PTPRN2: variants seen among roughly 807,000 people sequenced by gnomAD.
PTPRN2 encodes the protein receptor-type tyrosine-protein phosphatase N2.
Under a neutral mutation model 118.8 loss-of-function variants are expected in PTPRN2, and 74 were observed. That is an observed-to-expected ratio of 0.62 (90% CI 0.52 to 0.76). PTPRN2 has a LOEUF of 0.76. Ranked by LOEUF, PTPRN2 falls within the 30% of genes least tolerant of loss-of-function variation. The pLI is 0.00. For missense variants in PTPRN2, 1,481 were observed against 1,394.4 expected, an observed-to-expected ratio of 1.06 and a Z score of -0.99; for synonymous variants, 641 against 608.0, an observed-to-expected ratio of 1.05 and a Z score of -0.80.
chr7:157,792,680 C>A (rs1804591052), intron 12 of PTPRN2, among the ~76,000 whole-genome samples: 1 of 152,184 alleles, frequency 6.6e-6, no homozygotes, highest in Admixed American at 6.5e-5. Flanking sequence ...GGCCACACTG[C>A]ACGACAGACG....
chr7:158,496,022 A>T (rs1821814701), intron 1 of PTPRN2, among the ~76,000 whole-genome samples: 1 of 151,846 alleles, frequency 6.6e-6, no homozygotes, highest in Admixed American at 6.5e-5. Flanking sequence ...GCTTGCGGAC[A>T]GGGCTTGGGG....
intron 6 of PTPRN2, among the ~76,000 whole-genome samples, chr7:158,152,188 A>AG (rs1563523717): frequency 2.6e-5 from 4 of 151,322 alleles, no homozygotes; most frequent in Non-Finnish European, 5.9e-5. Context: ...AAAAAAAAAA[A>AG]AAACCATGAA....
intron 11 of PTPRN2, among the ~76,000 whole-genome samples, chr7:157,950,175 T>G (rs957667991): frequency 2.0e-5 from 3 of 152,264 alleles, no homozygotes; most frequent in Non-Finnish European, 2.9e-5. Flanking sequence ...GTGTGTTCAG[T>G]ATCTGTGTGC....
intron 11 of PTPRN2, among the ~76,000 whole-genome samples, chr7:157,950,682 A>G (rs1800753840): frequency 1.3e-5 from 2 of 152,212 alleles, no homozygotes; most frequent in Admixed American, 1.3e-4. Flanking sequence ...CGCCTCACCC[A>G]TGGAGCAGGC....
Position 157,551,000 on chromosome 7 carries a change from C to T in PTPRN2, c.2903-1981G>A, listed in dbSNP as rs141580239. On this transcript the variant is annotated intron_variant, in intron 21 of 22. Coordinates refer to ENST00000389418, the MANE Select transcript of PTPRN2 (RefSeq NM_002847.5). The surrounding 1 kb of genome is among the most constrained non-coding windows in gnomAD (Gnocchi z 5.2). ...GGAGGAAGCCAAAGGACCCCTCCTG[C>T]GGCCATGACTGTGGCGGCCAAGGAA... 2.8e-3 allele frequency among the ~76,000 whole-genome samples: 420 copies of T among 152,298 alleles called. 1 individual carries two copies. The highest frequency in any genetic ancestry group is 9.5e-3 in the African/African-American group (395 of 41,560).
chr7:157,923,447 C>G (rs1001369328), intron 11 of PTPRN2, among the ~76,000 whole-genome samples: 1 of 152,196 alleles, frequency 6.6e-6, no homozygotes, highest in Non-Finnish European at 1.5e-5. Context: ...TCTTTCCCCT[C>G]GCGAGGCAGA....
intron 1 of PTPRN2, among the ~76,000 whole-genome samples, chr7:158,540,690 C>T (rs1825935372): frequency 6.6e-6 from 1 of 152,224 alleles, no homozygotes; most frequent in Non-Finnish European, 1.5e-5. Flanking sequence ...CCAGGGCCCA[C>T]CGTGTGTGTC....
intron 4 of PTPRN2, among the ~76,000 whole-genome samples, chr7:158,197,956 A>G (rs1431270633): frequency 2.0e-5 from 3 of 152,220 alleles, no homozygotes; most frequent in Non-Finnish European, 4.4e-5. Flanking sequence ...ACACTGATAC[A>G]GATGTAACAG....
At chr7:157,642,606 G>A (rs748393990) in intron 14 of PTPRN2, among the ~76,000 whole-genome samples, 7 of 152,054 alleles carry the variant, frequency 4.6e-5, no homozygotes, top group South Asian at 2.1e-4. Context: ...AACGCTGCAC[G>A]AATGAGCACT....
chr7:158,015,462 A>AGAGAGAGAGGAAGAGAGGGAGAGAGG lies in PTPRN2; in HGVS notation c.1723+65810_1723+65835dup, dbSNP rs1585205475. Among the ~76,000 whole-genome samples the AGAGAGAGAGGAAGAGAGGGAGAGAGG allele has an allele frequency of 6.7e-6, 1 of 149,552 alleles. No individual in the cohort carries two copies. The highest frequency in any genetic ancestry group is 2.0e-4 in the East Asian group (1 of 4,950). On this transcript the variant is annotated intron_variant, in intron 11 of 22. Coordinates refer to ENST00000389418, the MANE Select transcript of PTPRN2 (RefSeq NM_002847.5). This position sits in a 1 kb window ranked among gnomAD's most constrained non-coding sequence, Gnocchi z 4.2. The stretch of plus-strand genomic sequence containing the variant: ...AGTGAGAGGAGGGGTGGTGAGAGAG[A>AGAGAGAGAGGAAGAGAGGGAGAGAGG]GAGAGAGAGGAAGAGAGGGAGAGAG...
chr7:158,532,895 G>C (rs112159390), intron 1 of PTPRN2: 1 of 497,338 alleles, frequency 2.0e-6, no homozygotes, highest in Non-Finnish European at 4.2e-6. Context: ...GCTCAGGGAC[G>C]GCCAGGCTCC....
intron 2 of PTPRN2, among the ~76,000 whole-genome samples, chr7:158,421,536 G>T (rs570228295): frequency 2.6e-5 from 4 of 152,204 alleles, no homozygotes; most frequent in African/African-American, 9.6e-5. Context: ...AGAAATAAAT[G>T]GAAAGAAAGA....
At chr7:158,085,727 C>T (rs1220225071) in intron 10 of PTPRN2, among the ~76,000 whole-genome samples, 27 of 144,826 alleles carry the variant, frequency 1.9e-4, no homozygotes, top group Non-Finnish European at 3.4e-4. Context: ...CGACGCCCAT[C>T]CACACCCACG....
chr7:158,394,249 A>G (rs1020457328), intron 2 of PTPRN2, among the ~76,000 whole-genome samples: 34 of 150,918 alleles, frequency 2.3e-4, no homozygotes, highest in African/African-American at 7.6e-4. Flanking sequence ...CCTGTGGACC[A>G]CTGGCCCCAC....
In PTPRN2 at chr7:158,136,580, G is replaced by A. The variant is rs1033153180; in HGVS notation, c.1173+75C>T. 1.0e-5 allele frequency: 15 copies of A among 1,446,378 alleles called. No homozygotes were observed. The South Asian group carries it at 1.4e-4, about 14-fold the overall frequency. 89.6% of individuals were successfully genotyped at this position (1,446,378 alleles called of 1,614,324 possible). A position where few individuals can be genotyped will look rare whatever the true frequency, so the allele number is the denominator to read the frequency against. The stretch of plus-strand genomic sequence containing the variant: ...AAAAAAACTTTTGTATTTCATAAAT[G>A]TTCCCACACCATGAACAAAAAGATC... On this transcript the variant is annotated intron_variant, in intron 8 of 22. Coordinates refer to ENST00000389418, the MANE Select transcript of PTPRN2 (RefSeq NM_002847.5).
chr7:158,274,223 CAT>C (rs1456245513), intron 3 of PTPRN2, among the ~76,000 whole-genome samples: 7 of 117,424 alleles, frequency 6.0e-5, no homozygotes, highest in East Asian at 2.5e-4. Context: ...CGCAGACAGA[CAT>C]GGGAGGAGCC....
intron 12 of PTPRN2, among the ~76,000 whole-genome samples, chr7:157,852,296 T>C (rs761800701): frequency 1.3e-5 from 2 of 152,224 alleles, no homozygotes; most frequent in Non-Finnish European, 2.9e-5. Context: ...AAAACAATTA[T>C]GAAAACAAGC....
chr7:157,898,570 G>T, intron 12 of PTPRN2, 103 bp downstream of exon 12: 2 of 1,198,580 alleles, frequency 1.7e-6, no homozygotes, highest in Non-Finnish European at 2.5e-6. Context: ...ACAGGACCTT[G>T]GCTGAATTAA....
intron 3 of PTPRN2, among the ~76,000 whole-genome samples, chr7:158,276,781 G>A (rs980301763): frequency 3.3e-5 from 5 of 152,196 alleles, no homozygotes; most frequent in Non-Finnish European, 1.5e-5. Flanking sequence ...GAAGGACGTC[G>A]GCCTGGGGAC....
Sources: gnomAD v4.1 joint callset for allele counts (sites outside exome capture counted in the v4.1 genomes callset) on GRCh38, gnomAD v4.1.1 for gene constraint, Gnocchi (gnomAD v3.1) non-coding constraint, MANE v1.5 for transcripts, NCBI Gene and HGNC (gene_info 2026-07-23, HGNC 2026-07-21) for gene names.